The following AOPEP variants were observed in gnomAD, a reference collection of about 807,000 sequenced individuals.
AOPEP encodes the protein aminopeptidase O.
A neutral mutation model predicts 98.1 loss-of-function variants in AOPEP; 77 were observed. The observed-to-expected ratio is 0.78, with a 90% CI of 0.65 to 0.95. The LOEUF (loss-of-function observed/expected upper bound fraction) is 0.95. Ranked by LOEUF, AOPEP falls within the 40% of genes least tolerant of loss-of-function variation. The pLI is 0.00. For missense variants in AOPEP, 1,024 were observed against 1,024.7 expected (o/e 1.00, Z 0.01); for synonymous variants, 346 against 365.3 (o/e 0.95, Z 0.60).
At chr9:95,105,184 G>A in the AOPEP span, among the ~76,000 whole-genome samples, 2 of 152,190 alleles carry the variant, frequency 1.3e-5, no homozygotes, top group Non-Finnish European at 2.9e-5. Context: ...GCACAGCCTG[G>A]GCCCACTCCA....
intron 14 of AOPEP, among the ~76,000 whole-genome samples, chr9:95,067,895 G>T (rs575917179): frequency 2.0e-5 from 3 of 152,234 alleles, no homozygotes; most frequent in Admixed American, 2.0e-4. Flanking sequence ...CTATAGATTT[G>T]CCTATTCTGG....
chr9:94,864,645 T>A (rs894522606), intron 5 of AOPEP, among the ~76,000 whole-genome samples: 1 of 152,182 alleles, frequency 6.6e-6, no homozygotes, highest in Non-Finnish European at 1.5e-5. Context: ...AAGAAAAGTG[T>A]TGTCAGTAAT....
intron 1 of AOPEP, among the ~76,000 whole-genome samples, chr9:94,727,334 T>G (rs1829434289): frequency 6.6e-6 from 1 of 152,222 alleles, no homozygotes; most frequent in Non-Finnish European, 1.5e-5. Flanking sequence ...TATGATTATC[T>G]ATTGTGATAA....
intron 5 of AOPEP, among the ~76,000 whole-genome samples, chr9:94,853,817 G>A (rs750944877): frequency 6.6e-6 from 1 of 152,110 alleles, no homozygotes; most frequent in Non-Finnish European, 1.5e-5. Flanking sequence ...AGCAGAATAG[G>A]GTATTCTTCA....
intron 16 of AOPEP, among the ~76,000 whole-genome samples, chr9:95,084,310 G>GA (rs1222778394): frequency 6.6e-6 from 1 of 152,154 alleles, no homozygotes; most frequent in Admixed American, 6.5e-5. Flanking sequence ...CTCTAATAAT[G>GA]AAAAGAAATA....
chr9:94,799,205 G>A (rs1375939273), intron 4 of AOPEP, among the ~76,000 whole-genome samples: 1 of 152,136 alleles, frequency 6.6e-6, no homozygotes, highest in Non-Finnish European at 1.5e-5. Context: ...GCCCATATTG[G>A]GACATGCCAG....
chr9:94,757,427 C>T (rs1374400031), intron 1 of AOPEP, among the ~76,000 whole-genome samples: 3 of 152,154 alleles, frequency 2.0e-5, no homozygotes, highest in Non-Finnish European at 2.9e-5. Context: ...ATTTTAGAGG[C>T]GGCAGTGGTT....
intron 11 of AOPEP, among the ~76,000 whole-genome samples, chr9:94,988,621 A>G (rs2060668768): frequency 1.3e-5 from 2 of 152,330 alleles, no homozygotes; most frequent in South Asian, 4.1e-4. Context: ...CATTTAAAAA[A>G]TGCAGCTAAT....
At chr9:94,853,891 A>G (rs536103164) in intron 5 of AOPEP, among the ~76,000 whole-genome samples, 53 of 152,344 alleles carry the variant, frequency 3.5e-4, no homozygotes, top group African/African-American at 1.1e-3. Context: ...TCATAGGTAC[A>G]TGCTAGCAGA....
chr9:94,987,295 T>C (rs1035941639), intron 11 of AOPEP, among the ~76,000 whole-genome samples: 2 of 152,240 alleles, frequency 1.3e-5, no homozygotes, highest in African/African-American at 4.8e-5. Context: ...AGAGACAGTG[T>C]AAGTACCATT....
At chr9:94,821,677 T>C (rs1853167849) in intron 5 of AOPEP, among the ~76,000 whole-genome samples, 1 of 152,216 alleles carries the variant, frequency 6.6e-6, no homozygotes, top group Non-Finnish European at 1.5e-5. Context: ...CATGTAATTC[T>C]AGAGCATACC....
intron 5 of AOPEP, among the ~76,000 whole-genome samples, chr9:94,802,345 A>G (rs1848382820): frequency 6.6e-6 from 1 of 152,148 alleles, no homozygotes; most frequent in Non-Finnish European, 1.5e-5. Context: ...TTTTTAAGGC[A>G]TGTTTGCTAG....
chr9:94,960,978 C>A (rs1181544969), intron 9 of AOPEP, among the ~76,000 whole-genome samples: 1 of 148,174 alleles, frequency 6.7e-6, no homozygotes, highest in African/African-American at 2.5e-5. Context: ...CGCGCCACTG[C>A]ACTCCGGCCT....
chr9:94,789,280 A>G (rs1845119825), intron 3 of AOPEP, among the ~76,000 whole-genome samples: 1 of 152,184 alleles, frequency 6.6e-6, no homozygotes, highest in Non-Finnish European at 1.5e-5. Context: ...TCGGCCTCAT[A>G]CAGTTAAACC....
rs932467502 is a variant in AOPEP at position 94,972,265 on chromosome 9, G to A, written c.1916+4464G>A. On this transcript the variant is annotated intron_variant, in intron 10 of 16. Coordinates refer to ENST00000375315, the MANE Select transcript of AOPEP (RefSeq NM_001193329.3). The surrounding 1 kb of genome is among the most constrained non-coding windows in gnomAD (Gnocchi z 4.2). The stretch of plus-strand genomic sequence containing the variant: ...CACACTCTGAAGTAGCAGTGGAAAT[G>A]CAGGAGGGCAGGTGTTTGGGGAGTC... 2.0e-5 allele frequency among the ~76,000 whole-genome samples: 3 copies of A among 152,174 alleles called. No individual in the cohort carries two copies. The highest frequency in any genetic ancestry group is 4.4e-5 in the Non-Finnish European group (3 of 68,018).
intron 13 of AOPEP, among the ~76,000 whole-genome samples, chr9:95,045,932 G>C (rs541325345): frequency 6.6e-6 from 1 of 152,188 alleles, no homozygotes; most frequent in East Asian, 1.9e-4. Flanking sequence ...TTGGGAAGGC[G>C]CCGCCACCTC....
At position 94,873,050 on chromosome 9, in the gene AOPEP, G is replaced by A. The variant is rs570065959; in HGVS notation, c.1365-50936G>A. ...ATAACACAAATAAATAGGTTGAGGC[G>A]GATAGCAGAGGAGCCGATGATCCAA... On this transcript the variant is annotated intron_variant, in intron 5 of 16. Transcript: ENST00000375315. Among the ~76,000 whole-genome samples the A allele has an allele frequency of 4.5e-3, 686 of 152,076 alleles. 4 individuals carry two copies. Among genetic ancestry groups the A allele is most frequent in the Admixed American group, 6.8e-3 (104 of 15,274 alleles).
At chr9:95,047,896 A>G (rs561818751) in intron 13 of AOPEP, among the ~76,000 whole-genome samples, 1 of 152,220 alleles carries the variant, frequency 6.6e-6, no homozygotes, top group Non-Finnish European at 1.5e-5. Flanking sequence ...TTCTGATTTT[A>G]GTGTGAACAG....
chr9:94,920,786 A>G (rs920747637), intron 5 of AOPEP, among the ~76,000 whole-genome samples: 4 of 152,110 alleles, frequency 2.6e-5, no homozygotes, highest in Non-Finnish European at 4.4e-5. Flanking sequence ...GTGTTTTCAG[A>G]CCAGACATGA....
Sources: gnomAD v4.1 joint callset for allele counts (sites outside exome capture counted in the v4.1 genomes callset) on GRCh38, gnomAD v4.1.1 for gene constraint, Gnocchi (gnomAD v3.1) non-coding constraint, MANE v1.5 for transcripts, NCBI Gene and HGNC (gene_info 2026-07-23, HGNC 2026-07-21) for gene names.